CSMD1: variants seen among roughly 807,000 people sequenced by gnomAD.
CSMD1 encodes the protein CUB and Sushi multiple domains 1.
Under a neutral mutation model 417.5 loss-of-function variants are expected in CSMD1, and 213 were observed. That is an observed-to-expected ratio of 0.51 (90% CI 0.46 to 0.57). The LOEUF is 0.57. CSMD1 is among the 20% of genes least tolerant of loss of function. The probability of loss-of-function intolerance (pLI) is 0.00; values close to 1 mark genes in which losing one functional copy is unlikely to be tolerated. For missense variants in CSMD1, 6,923 were observed against 4,529.7 expected, an observed-to-expected ratio of 1.53 and a Z score of -15.17; for synonymous variants, 2,862 against 1,736.8, an observed-to-expected ratio of 1.65 and a Z score of -16.11.
chr8:3,350,293 T>C lies in CSMD1; in HGVS notation c.3305-2132A>G, dbSNP rs553288093. Among the ~76,000 whole-genome samples the C allele has an allele frequency of 7.1e-3, 1,054 of 149,484 alleles. 6 individuals are homozygous for C. Among genetic ancestry groups the C allele is most frequent in the Non-Finnish European group, 0.011 (717 of 67,324 alleles). Reference sequence around the variant, plus strand: ...CTATAATAACTTGTGTATGTGTGTGTTATAATACCTATAATAACCTATAAT... The same window carrying C: ...CTATAATAACTTGTGTATGTGTGTGCTATAATACCTATAATAACCTATAAT... On this transcript the variant is annotated intron_variant, in intron 21 of 69. Coordinates refer to ENST00000635120, the MANE Select transcript of CSMD1 (RefSeq NM_033225.6).
chr8:3,657,870 A>G (rs1585029919), intron 7 of CSMD1, among the ~76,000 whole-genome samples: 1 of 152,266 alleles, frequency 6.6e-6, no homozygotes, highest in East Asian at 1.9e-4. Flanking sequence ...ACTATAAACA[A>G]AAATCCTCTT....
intron 6 of CSMD1, among the ~76,000 whole-genome samples, chr8:3,735,235 T>C (rs555288973): frequency 6.6e-6 from 1 of 152,296 alleles, no homozygotes; most frequent in East Asian, 1.9e-4. Context: ...TCTGTCTGAT[T>C]TGGATATTTA....
chr8:4,805,033 A>G (rs1181121148), intron 1 of CSMD1, among the ~76,000 whole-genome samples: 3 of 152,186 alleles, frequency 2.0e-5, no homozygotes, highest in Non-Finnish European at 4.4e-5. Flanking sequence ...TATACAGAAA[A>G]CAAACTTTGT....
intron 1 of CSMD1, among the ~76,000 whole-genome samples, chr8:4,654,421 T>C (rs1804097896): frequency 6.6e-6 from 1 of 152,082 alleles, no homozygotes; most frequent in African/African-American, 2.4e-5. Context: ...AGCAAATTCT[T>C]TGCTTGGTGA....
intron 49 of CSMD1, among the ~76,000 whole-genome samples, chr8:3,067,496 G>T (rs1585266090): frequency 6.6e-6 from 1 of 151,870 alleles, no homozygotes; most frequent in East Asian, 1.9e-4. Flanking sequence ...GGTCCACACA[G>T]ACATTTAACA....
intron 3 of CSMD1, among the ~76,000 whole-genome samples, chr8:4,381,515 T>A (rs1375879238): frequency 6.6e-6 from 1 of 152,046 alleles, no homozygotes; most frequent in Non-Finnish European, 1.5e-5. Flanking sequence ...CAAAACAAGG[T>A]CATTATATTG....
At chr8:3,039,824 G>T (rs1269951264) in intron 50 of CSMD1, among the ~76,000 whole-genome samples, 1 of 152,170 alleles carries the variant, frequency 6.6e-6, no homozygotes, top group Non-Finnish European at 1.5e-5. Context: ...AATTAAGCTC[G>T]TTTAGCACTG....
At chr8:4,118,827 G>C (rs1802311297) in intron 3 of CSMD1, among the ~76,000 whole-genome samples, 1 of 152,150 alleles carries the variant, frequency 6.6e-6, no homozygotes, top group African/African-American at 2.4e-5. Context: ...CAATAGCAAA[G>C]ACTTGGAACC....
At position 3,199,775 on chromosome 8, in the gene CSMD1, A is replaced by C. The variant is rs759891762; in HGVS notation, c.5133T>G (p.Ile1711Met). ...CGCTCTTTGCACTGAATCGGAGCAG[A>C]ATTTGATTTGACGTAGCCAAGGGCA... ...ETLPLATSNQ[I>M]LLRFSAKSGA... The change falls in exon 33 of 70, where the codon ATT becomes ATG. Residue 1711 changes from isoleucine (I) to methionine (M), a missense_variant. Ile to Met is a conservative substitution (Grantham distance 10, BLOSUM62 1). Coordinates refer to ENST00000635120, the MANE Select transcript of CSMD1 (RefSeq NM_033225.6). The C allele has an allele frequency of 3.2e-6, 5 of 1,584,028 alleles. No homozygotes were observed. In the African/African-American group the frequency reaches 6.7e-5, roughly 21 times the overall value.
At chr8:4,818,945 T>C (rs1485392998) in intron 1 of CSMD1, among the ~76,000 whole-genome samples, 3 of 152,204 alleles carry the variant, frequency 2.0e-5, no homozygotes, top group African/African-American at 7.2e-5. Context: ...CCAAGACCTG[T>C]AATTTATATT....
rs866616430 is a variant in CSMD1 at position 4,176,980 on chromosome 8, G to T, written c.416-144881C>A. Among the ~76,000 whole-genome samples, 46 of 151,808 alleles carry T rather than the reference G, an allele frequency of 3.0e-4. No homozygotes were observed. In the South Asian group the frequency reaches 5.0e-3, roughly 17 times the overall value. ...ACTTAGACTCCCACACAATAAAAAT[G>T]GGAGACTTTAACACCCCACTGTCAA... On this transcript the variant is annotated intron_variant, in intron 3 of 69. Transcript: ENST00000635120.
chr8:4,411,862 A>AT (rs202085500), intron 3 of CSMD1, among the ~76,000 whole-genome samples: 3 of 152,016 alleles, frequency 2.0e-5, no homozygotes, highest in East Asian at 1.9e-4. Flanking sequence ...ATTATGTTGC[A>AT]TTTTTTTTCA....
At chr8:4,975,087 T>A (rs961933556) in intron 1 of CSMD1, among the ~76,000 whole-genome samples, 5 of 152,086 alleles carry the variant, frequency 3.3e-5, no homozygotes, top group Non-Finnish European at 7.4e-5. Flanking sequence ...CAATAAACAT[T>A]TATCTACCAA....
intron 5 of CSMD1, among the ~76,000 whole-genome samples, chr8:3,806,649 G>C (rs1800759734): frequency 1.3e-5 from 2 of 152,198 alleles, no homozygotes; most frequent in Admixed American, 6.5e-5. Context: ...ATGTGCATCA[G>C]ACAATGCGTT....
At chr8:4,678,477 G>GGA (rs1805833908) in intron 1 of CSMD1, among the ~76,000 whole-genome samples, 1 of 152,044 alleles carries the variant, frequency 6.6e-6, no homozygotes, top group South Asian at 2.1e-4. Flanking sequence ...CATTTATATG[G>GGA]CCAGGTAACT....
chr8:4,420,162 T>C, intron 2 of CSMD1, 97 bp from the exon 3 acceptor site: 2 of 742,240 alleles, frequency 2.7e-6, no homozygotes, highest in Admixed American at 2.2e-5. Flanking sequence ...AACAGTGGTA[T>C]ATTCACTTGA....
At chr8:4,647,522 T>G (rs1039822114) in intron 1 of CSMD1, among the ~76,000 whole-genome samples, 3 of 151,802 alleles carry the variant, frequency 2.0e-5, no homozygotes, top group South Asian at 4.1e-4. Context: ...GTGCCATGGT[T>G]GTTTGCTGCA....
At chr8:4,846,567 A>G (rs1172362165) in intron 1 of CSMD1, among the ~76,000 whole-genome samples, 1 of 152,212 alleles carries the variant, frequency 6.6e-6, no homozygotes, top group Non-Finnish European at 1.5e-5. Context: ...CTTTAAACTC[A>G]TGGTACTTTT....
At chr8:4,511,284 G>C (rs1802805157) in intron 2 of CSMD1, among the ~76,000 whole-genome samples, 1 of 152,136 alleles carries the variant, frequency 6.6e-6, no homozygotes, top group Non-Finnish European at 1.5e-5. Context: ...TCCCAGGGCT[G>C]GGAGCACTCA....
Sources: gnomAD v4.1 joint callset for allele counts (sites outside exome capture counted in the v4.1 genomes callset) on GRCh38, gnomAD v4.1.1 for gene constraint, MANE v1.5 for transcripts, NCBI Gene and HGNC (gene_info 2026-07-23, HGNC 2026-07-21) for gene names.